Variants in SSPN observed in about 807,000 individuals in gnomAD.
SSPN encodes K-ras oncogene-associated protein.
SSPN carries 15 observed loss-of-function variants against 19.1 expected under a neutral mutation model. The observed-to-expected ratio is 0.78, with a 90% confidence interval of 0.52 to 1.21. The LOEUF is 1.21. Ranked by LOEUF, SSPN falls within the 50% of genes most tolerant of loss-of-function variation. The pLI is 0.00. For synonymous variants in SSPN, 147 were observed against 140.3 expected (o/e 1.05, Z -0.34); for missense variants, 291 against 314.0 (o/e 0.93, Z 0.55).
chr12:26,202,145 A>G (rs1026263273), intron 1 of SSPN, among the ~76,000 whole-genome samples: 6 of 152,214 alleles, frequency 3.9e-5, no homozygotes, highest in African/African-American at 1.2e-4. Context: ...TTGACACACT[A>G]TATTATTGAG....
rs1016142072 is a variant in SSPN at position 26,218,771 on chromosome 12, G to A, written c.280-5522G>A. Among the ~76,000 whole-genome samples the A allele has an allele frequency of 5.9e-5, 9 of 152,304 alleles. No homozygotes were observed. In the East Asian group the frequency reaches 1.3e-3, roughly 23 times the overall value. On this transcript the variant is annotated intron_variant, in intron 1 of 2. Coordinates refer to ENST00000242729, the MANE Select transcript of SSPN (RefSeq NM_005086.5). ...GTCATTTAATTTTCTGGTCTATTATGTGTTAACAGTCCTCCTAAGACTATC... is the reference window on the plus strand; with the variant it reads ...GTCATTTAATTTTCTGGTCTATTATATGTTAACAGTCCTCCTAAGACTATC...
At chr12:26,136,917 T>A (rs963335955) in intron 1 of SSPN, among the ~76,000 whole-genome samples, 3 of 152,230 alleles carry the variant, frequency 2.0e-5, no homozygotes, top group African/African-American at 7.2e-5. Context: ...TAGTCCATGC[T>A]TTGTCGTAAG....
intron 2 of SSPN, among the ~76,000 whole-genome samples, chr12:26,228,225 G>A (rs1945196354): frequency 6.6e-6 from 1 of 151,654 alleles, no homozygotes; most frequent in African/African-American, 2.4e-5. Context: ...GTGAAACCCT[G>A]TCTCTATCAA....
chr12:26,228,465 A>G (rs1266044944), intron 2 of SSPN, among the ~76,000 whole-genome samples: 1 of 152,026 alleles, frequency 6.6e-6, no homozygotes, highest in African/African-American at 2.4e-5. Flanking sequence ...ACTTCCATCC[A>G]TTGTTGGTGA....
At chr12:26,162,292 G>A (rs7958313) in intron 1 of SSPN, among the ~76,000 whole-genome samples, 12,068 of 152,046 alleles carry the variant, frequency 0.079, 1,519 homozygotes, top group African/African-American at 0.26. Context: ...TTTTCTTTTT[G>A]TAGTTCATCC....
chr12:26,132,171 C>CA (rs955735594), intron 1 of SSPN, among the ~76,000 whole-genome samples: 7 of 152,202 alleles, frequency 4.6e-5, no homozygotes, highest in African/African-American at 1.7e-4. Context: ...TATTTCCCTA[C>CA]AGACAGACAC....
chr12:26,123,223 C>CAT, intron 1 of SSPN: 1 of 1,516,710 alleles, frequency 6.6e-7, no homozygotes, highest in African/African-American at 1.4e-5. Context: ...CAAGAAGAAA[C>CAT]ATACCCACGT....
chr12:26,193,812 T>C (rs141669714), upstream of SSPN, among the ~76,000 whole-genome samples: 64 of 152,338 alleles, frequency 4.2e-4, no homozygotes, highest in Admixed American at 9.8e-4. Context: ...GCAAATGTAT[T>C]TGTTCCCTGA....
chr12:26,231,670 G>C lies in SSPN; in HGVS notation c.*594G>C, dbSNP rs1433050622. ...AGATAACTAACAACACCTGGGTTGG[G>C]GCGGCGGCCTCTTCTCTTCAGCTCC... On this transcript the variant is annotated 3_prime_UTR_variant, in exon 3 of 3. Coordinates refer to ENST00000242729, the MANE Select transcript of SSPN (RefSeq NM_005086.5). The C allele has an allele frequency of 6.5e-6, 1 of 154,864 alleles. No homozygotes were observed. Among genetic ancestry groups the C allele is most frequent in the Admixed American group, 6.5e-5 (1 of 15,284 alleles). 9.6% of individuals were successfully genotyped at this position (154,864 alleles called of 1,614,324 possible).
At chr12:26,191,977 A>G (rs1015336681), upstream of SSPN, among the ~76,000 whole-genome samples, 5 of 152,200 alleles carry the variant, frequency 3.3e-5, no homozygotes, top group Admixed American at 2.6e-4. Context: ...ATGTAAGATC[A>G]TGTGTTTGAG....
At chr12:26,221,543 A>G (rs1458700855) in intron 1 of SSPN, among the ~76,000 whole-genome samples, 3 of 152,232 alleles carry the variant, frequency 2.0e-5, no homozygotes, top group African/African-American at 7.2e-5. Flanking sequence ...GAATGAGGTC[A>G]TGTGTTCCTA....
Position 26,146,335 on chromosome 12 carries a change from A to G in SSPN, c.-31+24183A>G, listed in dbSNP as rs370566934. On this transcript the variant is annotated intron_variant, in intron 1 of 2. Transcript: ENST00000538142. ...CCATGTTCTTAAGCTGATTTCTTGG[A>G]GCACCCTCAGTCTCACCCTCGTTCT... Among the ~76,000 whole-genome samples the G allele has an allele frequency of 5.3e-5, 8 of 152,298 alleles. No homozygotes were observed. The East Asian group carries it at 1.5e-3, about 29-fold the overall frequency.
intron 1 of SSPN, among the ~76,000 whole-genome samples, chr12:26,153,551 T>C (rs78518764): frequency 0.093 from 14,221 of 152,212 alleles, 906 homozygotes; most frequent in Non-Finnish European, 0.14. Flanking sequence ...TAAATATTTT[T>C]TGAATGAATG....
chr12:26,229,902 G>A (rs577188908), intron 2 of SSPN, among the ~76,000 whole-genome samples: 3 of 152,346 alleles, frequency 2.0e-5, no homozygotes, highest in African/African-American at 7.2e-5. Flanking sequence ...TTAGGTGTAA[G>A]CTAAATCCCT....
At chr12:26,228,646 C>T (rs111474212) in intron 2 of SSPN, among the ~76,000 whole-genome samples, 4 of 130,178 alleles carry the variant, frequency 3.1e-5, no homozygotes, top group East Asian at 7.1e-4. Context: ...AATACAGCTA[C>T]GATGGGTACA....
chr12:26,122,855 G>A, intron 1 of SSPN: 1 of 1,571,382 alleles, frequency 6.4e-7, no homozygotes, highest in African/African-American at 1.4e-5. Flanking sequence ...TCCGCTGGAT[G>A]ACGGGCACGC....
chr12:26,187,050 C>T (rs983840569), intron 1 of SSPN, among the ~76,000 whole-genome samples: 1 of 152,234 alleles, frequency 6.6e-6, no homozygotes, highest in Non-Finnish European at 1.5e-5. Context: ...AAAGGAAGCC[C>T]CCCACTGGTA....
At chr12:26,217,159 C>T (rs112738229) in intron 1 of SSPN, among the ~76,000 whole-genome samples, 8,152 of 120,900 alleles carry the variant, frequency 0.067, 263 homozygotes, top group Middle Eastern at 0.11. Flanking sequence ...TGTAAATTAC[C>T]TTGGGCAGTA....
chr12:26,154,010 C>T lies in SSPN; in HGVS notation c.-31+31858C>T, dbSNP rs1034992507. Among the ~76,000 whole-genome samples the T allele has an allele frequency of 5.3e-5, 8 of 152,300 alleles. No homozygotes were observed. The South Asian group carries it at 8.3e-4, about 16-fold the overall frequency. On this transcript the variant is annotated intron_variant, in intron 1 of 2. Coordinates refer to the SSPN transcript ENST00000538142. ...TCATGGGGTACCCCTTGTGGAAAAA[C>T]TTGGAGTAGCCTCAGAAAGACTTTC...
Sources: allele counts gnomAD v4.1 joint callset (sites outside exome capture counted in the v4.1 genomes callset), GRCh38; gene constraint gnomAD v4.1.1; transcripts MANE v1.5; gene names NCBI Gene and HGNC (gene_info 2026-07-23, HGNC 2026-07-21).